PPARG: variants seen among roughly 807,000 people sequenced by gnomAD.
The protein encoded by PPARG is peroxisome proliferator activated receptor gamma.
Under a neutral mutation model 39.2 loss-of-function variants are expected in PPARG, and 17 were observed. That is an observed-to-expected ratio of 0.43 (90% CI 0.30 to 0.65). The LOEUF (loss-of-function observed/expected upper bound fraction) is 0.65. Among genes scored for constraint, PPARG ranks in the 30% least tolerant of loss-of-function variants. PPARG has a pLI of 0.13. For synonymous variants in PPARG, 223 were observed against 215.7 expected, an observed-to-expected ratio of 1.03 and a Z score of -0.30; for missense variants, 406 against 585.9, an observed-to-expected ratio of 0.69 and a Z score of 3.17.
At chr3:12,362,818 T>G (rs954482938) in intron 2 of PPARG, among the ~76,000 whole-genome samples, 3 of 152,100 alleles carry the variant, frequency 2.0e-5, no homozygotes, top group African/African-American at 7.2e-5. Context: ...TTGTTTGTTT[T>G]TTATAGATTT....
At chr3:12,301,258 C>T (rs1401831835) in intron 1 of PPARG, among the ~76,000 whole-genome samples, 1 of 152,200 alleles carries the variant, frequency 6.6e-6, no homozygotes, top group Non-Finnish European at 1.5e-5. Context: ...CTTTCAATGG[C>T]AACTGTAACA....
intron 4 of PPARG, among the ~76,000 whole-genome samples, chr3:12,387,810 G>A (rs2049935147): frequency 6.6e-6 from 1 of 152,038 alleles, no homozygotes; most frequent in African/African-American, 2.4e-5. Context: ...TATCCTGAAT[G>A]GTATTGCCTA....
chr3:12,331,488 CA>C (rs2047857992), intron 2 of PPARG, among the ~76,000 whole-genome samples: 1 of 152,090 alleles, frequency 6.6e-6, no homozygotes, highest in Non-Finnish European at 1.5e-5. Context: ...CTAGGTTATT[CA>C]GGGTTTAAGA....
At chr3:12,405,338 T>C (rs926450393) in intron 5 of PPARG, among the ~76,000 whole-genome samples, 4 of 152,208 alleles carry the variant, frequency 2.6e-5, no homozygotes, top group African/African-American at 9.6e-5. Context: ...GTAAAAGTGC[T>C]CTCTGGACTA....
intron 2 of PPARG, among the ~76,000 whole-genome samples, chr3:12,338,032 T>C (rs1007348013): frequency 6.6e-6 from 1 of 152,344 alleles, no homozygotes; most frequent in East Asian, 1.9e-4. Context: ...TCCTTCTGCC[T>C]CTTCAGTCTT....
chr3:12,398,273 G>T (rs1047473275), intron 5 of PPARG, among the ~76,000 whole-genome samples: 1 of 152,124 alleles, frequency 6.6e-6, no homozygotes, highest in Admixed American at 6.5e-5. Flanking sequence ...TGAGAAGGGT[G>T]AGAAGAAAGG....
chr3:12,357,010 C>T (rs2048687695), intron 2 of PPARG, among the ~76,000 whole-genome samples: 1 of 152,140 alleles, frequency 6.6e-6, no homozygotes, highest in African/African-American at 2.4e-5. Context: ...AAAATGTGTT[C>T]AGAATATCTC....
At chr3:12,402,061 A>C (rs796671554) in intron 5 of PPARG, among the ~76,000 whole-genome samples, 1 of 152,188 alleles carries the variant, frequency 6.6e-6, no homozygotes, top group Non-Finnish European at 1.5e-5. Context: ...TTGATTACCC[A>C]TTAGGAAAAA....
chr3:12,380,549 CA>C (rs1298453890), intron 3 of PPARG, among the ~76,000 whole-genome samples: 1 of 152,140 alleles, frequency 6.6e-6, no homozygotes, highest in East Asian at 1.9e-4. Flanking sequence ...TGATTTTTAT[CA>C]TGTGTGGGCT....
chr3:12,325,682 T>C (rs542110528), intron 2 of PPARG, among the ~76,000 whole-genome samples: 16 of 151,856 alleles, frequency 1.1e-4, no homozygotes, highest in African/African-American at 1.9e-4. Context: ...TTTTTTTTTT[T>C]CTCAATCTCT....
At chr3:12,297,279 G>C (rs1261368359) in intron 1 of PPARG, among the ~76,000 whole-genome samples, 5 of 152,154 alleles carry the variant, frequency 3.3e-5, no homozygotes, top group African/African-American at 1.2e-4. Context: ...AAAAATGTGT[G>C]TGAACTATTG....
At chr3:12,291,706 G>A (rs2046652792) in intron 1 of PPARG, among the ~76,000 whole-genome samples, 1 of 152,062 alleles carries the variant, frequency 6.6e-6, no homozygotes, top group Admixed American at 6.6e-5. Flanking sequence ...AAATTATTTT[G>A]TAAAAACAGA....
chr3:12,291,960 T>C (rs1186831529), intron 1 of PPARG, among the ~76,000 whole-genome samples: 2 of 152,222 alleles, frequency 1.3e-5, no homozygotes, highest in African/African-American at 4.8e-5. Flanking sequence ...CTTTAAATGA[T>C]GTGACCATGA....
At chr3:12,328,011 T>C (rs2047741597) in intron 2 of PPARG, 1 of 1,002,178 alleles carries the variant, frequency 1.0e-6, no homozygotes, top group East Asian at 2.4e-5. Context: ...GTATAGTGAT[T>C]GAACAGCTAA....
At chr3:12,318,269 A>G (rs956021912) in intron 2 of PPARG, among the ~76,000 whole-genome samples, 2 of 152,166 alleles carry the variant, frequency 1.3e-5, no homozygotes, top group Non-Finnish European at 2.9e-5. Context: ...GCTTAATAGC[A>G]AAGAAGTTAC....
At chr3:12,386,141 AG>A in intron 4 of PPARG, among the ~76,000 whole-genome samples, 1 of 152,310 alleles carries the variant, frequency 6.6e-6, no homozygotes, top group South Asian at 2.1e-4. Flanking sequence ...ATAATAAAAA[AG>A]TGTTATTAGA....
chr3:12,350,715 G>A (rs2048459036), intron 2 of PPARG, among the ~76,000 whole-genome samples: 1 of 152,122 alleles, frequency 6.6e-6, no homozygotes, highest in South Asian at 2.1e-4. Context: ...TTTTTTTCTG[G>A]TGGTGTGTTA....
intron 7 of PPARG, among the ~76,000 whole-genome samples, chr3:12,419,087 G>C (rs926792831): frequency 6.6e-6 from 1 of 152,068 alleles, no homozygotes; most frequent in South Asian, 2.1e-4. Flanking sequence ...TGGGATTACA[G>C]GCACATGCCA....
At chr3:12,338,593 G>T (rs2048084600) in intron 2 of PPARG, among the ~76,000 whole-genome samples, 1 of 152,114 alleles carries the variant, frequency 6.6e-6, no homozygotes, top group African/African-American at 2.4e-5. Context: ...AAGTTGTAAA[G>T]CCCTTAACAT....
Sources: gnomAD v4.1 joint callset for allele counts (sites outside exome capture counted in the v4.1 genomes callset) on GRCh38, gnomAD v4.1.1 for gene constraint, MANE v1.5 for transcripts, NCBI Gene and HGNC (gene_info 2026-07-23, HGNC 2026-07-21) for gene names.